DAB1: variants seen among roughly 807,000 people sequenced by gnomAD.
The protein encoded by DAB1 is disabled homolog 1.
In DAB1, 15 loss-of-function variants were observed where a neutral mutation model predicts 64.6. The observed-to-expected ratio is 0.23, with a 90% CI of 0.16 to 0.36. The LOEUF (loss-of-function observed/expected upper bound fraction) is 0.36, where lower values mean the gene tolerates loss of function less well. Ranked by LOEUF, DAB1 falls within the 10% of genes least tolerant of loss-of-function variation. The pLI, the probability that DAB1 is intolerant of heterozygous loss-of-function variation, is 1.00. For synonymous variants in DAB1, 235 were observed against 251.9 expected, an observed-to-expected ratio of 0.93 and a Z score of 0.64; for missense variants, 596 against 706.7, an observed-to-expected ratio of 0.84 and a Z score of 1.78.
chr1:57,771,664 A>C (rs1477605143), intron 6 of DAB1, among the ~76,000 whole-genome samples: 1 of 152,136 alleles, frequency 6.6e-6, no homozygotes, highest in Non-Finnish European at 1.5e-5. Context: ...GTACACCTGT[A>C]CATCTACCAC....
intron 1 of DAB1, among the ~76,000 whole-genome samples, chr1:58,541,998 T>C (rs1255596126): frequency 1.3e-5 from 2 of 152,240 alleles, no homozygotes; most frequent in Admixed American, 6.5e-5. Context: ...CGATATTATC[T>C]AGAAAGATGC....
At chr1:57,816,569 T>C (rs1181777995) in intron 6 of DAB1, among the ~76,000 whole-genome samples, 1 of 152,226 alleles carries the variant, frequency 6.6e-6, no homozygotes, top group Admixed American at 6.5e-5. Context: ...GATATGTTGC[T>C]ACTCCCATAG....
chr1:58,452,615 G>C (rs978358881), intron 3 of DAB1, among the ~76,000 whole-genome samples: 25 of 147,434 alleles, frequency 1.7e-4, no homozygotes, highest in Admixed American at 1.6e-3. Context: ...TTCAAGACCA[G>C]CCTGGCCAAC....
rs148158311 is a variant in DAB1, at chr1:57,015,223, G to T, written c.1104C>A (p.Pro368=). The part of the protein sequence containing the change: ...AGQFPPAAFM[P]TQTVMPLPAA... ...CTGGCAAAGGCATAACAGTTTGTGT[G>T]GGCATGAAGGCGGCTGGCGGAAACT... is the stretch of plus-strand genomic sequence containing the variant. Residue 368 remains proline (P), a synonymous_variant, in exon 12 of 15, where the codon CCC becomes CCA. Transcript: ENST00000371236. 6.2e-7 allele frequency: 1 copy of T among 1,614,046 alleles called. No individual in the cohort carries two copies. The highest frequency in any genetic ancestry group is 8.5e-7 in the Non-Finnish European group (1 of 1,180,008).
At chr1:58,396,690 CAG>C (rs570294952) in intron 3 of DAB1, among the ~76,000 whole-genome samples, 229 of 152,064 alleles carry the variant, frequency 1.5e-3, no homozygotes, top group African/African-American at 5.0e-3. Flanking sequence ...GGGTCAGAGA[CAG>C]GGAAAGAGGG....
chr1:57,538,143 A>G (rs1346280532), intron 7 of DAB1, among the ~76,000 whole-genome samples: 3 of 152,200 alleles, frequency 2.0e-5, no homozygotes, highest in Non-Finnish European at 4.4e-5. Context: ...AACCATAGCA[A>G]GTGACCTAAG....
intron 4 of DAB1, among the ~76,000 whole-genome samples, chr1:58,301,376 T>C (rs1345517192): frequency 6.6e-6 from 1 of 152,178 alleles, no homozygotes; most frequent in African/African-American, 2.4e-5. Flanking sequence ...TCTGGATTAC[T>C]ATAGAGCAAA....
chr1:57,734,639 C>T (rs72664609), intron 6 of DAB1, among the ~76,000 whole-genome samples: 1 of 152,204 alleles, frequency 6.6e-6, no homozygotes, highest in Admixed American at 6.5e-5. Context: ...CTTCGCTTAA[C>T]CCTTGCTGAT....
intron 1 of DAB1, among the ~76,000 whole-genome samples, chr1:57,420,235 C>A (rs540503095): frequency 2.0e-3 from 310 of 151,334 alleles, no homozygotes; most frequent in Admixed American, 3.9e-3. Context: ...AAATTTTACA[C>A]CCTGGGAGCT....
At chr1:57,579,476 A>G (rs1645287536) in intron 7 of DAB1, among the ~76,000 whole-genome samples, 1 of 152,200 alleles carries the variant, frequency 6.6e-6, no homozygotes, top group African/African-American at 2.4e-5. Flanking sequence ...AGCCTATGAA[A>G]GCACTTTGTA....
At chr1:58,466,267 T>G (rs1331656279) in intron 3 of DAB1, among the ~76,000 whole-genome samples, 1 of 152,084 alleles carries the variant, frequency 6.6e-6, no homozygotes, top group East Asian at 1.9e-4. Flanking sequence ...TCTAAAACAC[T>G]TCCCCCATCC....
chr1:58,226,883 A>G (rs1007708519), intron 4 of DAB1, among the ~76,000 whole-genome samples: 3 of 152,210 alleles, frequency 2.0e-5, no homozygotes, highest in Non-Finnish European at 4.4e-5. Context: ...TCTCTGGCAC[A>G]GTGTCCACCA....
intron 6 of DAB1, among the ~76,000 whole-genome samples, chr1:57,766,038 G>T (rs1393328802): frequency 1.3e-5 from 2 of 151,978 alleles, no homozygotes; most frequent in African/African-American, 4.8e-5. Flanking sequence ...CTCTACCAAG[G>T]TTCACTCCTT....
intron 1 of DAB1, among the ~76,000 whole-genome samples, chr1:57,410,018 T>C (rs17115767): frequency 0.095 from 14,425 of 152,280 alleles, 786 homozygotes; most frequent in Admixed American, 0.12. Context: ...AAAATCGCAC[T>C]ACAAACCTTT....
chr1:58,195,776 T>C (rs1043588099), intron 4 of DAB1, among the ~76,000 whole-genome samples: 2 of 152,238 alleles, frequency 1.3e-5, no homozygotes, highest in South Asian at 2.1e-4. Context: ...CTAATATTTA[T>C]TGAATATGTG....
intron 5 of DAB1, among the ~76,000 whole-genome samples, chr1:58,012,430 C>T (rs1348659592): frequency 6.6e-6 from 1 of 152,084 alleles, no homozygotes; most frequent in Non-Finnish European, 1.5e-5. Flanking sequence ...TTCTGGCCTA[C>T]TGTATATGTA....
At chr1:57,597,905 T>C (rs943366559) in intron 7 of DAB1, among the ~76,000 whole-genome samples, 2 of 152,240 alleles carry the variant, frequency 1.3e-5, no homozygotes, top group Non-Finnish European at 2.9e-5. Flanking sequence ...TAGAGATTTT[T>C]AAAAATGTAT....
intron 7 of DAB1, among the ~76,000 whole-genome samples, chr1:57,598,553 G>C (rs185424706): frequency 4.6e-5 from 7 of 152,304 alleles, no homozygotes; most frequent in South Asian, 4.1e-4. Context: ...CAGATCTTAT[G>C]ATTTTCATAT....
At chr1:57,462,434 T>C (rs1164443560) in intron 7 of DAB1, among the ~76,000 whole-genome samples, 1 of 152,226 alleles carries the variant, frequency 6.6e-6, no homozygotes. Flanking sequence ...TAGGTGTTCT[T>C]GTGGAGTGAG....
Sources: allele counts gnomAD v4.1 joint callset (sites outside exome capture counted in the v4.1 genomes callset), GRCh38; gene constraint gnomAD v4.1.1; transcripts MANE v1.5; gene names NCBI Gene and HGNC (gene_info 2026-07-23, HGNC 2026-07-21).